PRKN: variants seen among roughly 807,000 people sequenced by gnomAD.
The protein encoded by PRKN is E3 ubiquitin-protein ligase parkin.
PRKN carries 56 observed loss-of-function variants against 59.5 expected under a neutral mutation model. The observed-to-expected ratio is 0.94, with a 90% CI of 0.76 to 1.18. The LOEUF (loss-of-function observed/expected upper bound fraction) is 1.18, where lower values mean the gene tolerates loss of function less well. Among genes scored for constraint, PRKN ranks in the 50% most tolerant of loss-of-function variants. PRKN has a pLI of 0.00. For missense variants in PRKN, 657 were observed against 596.4 expected, an observed-to-expected ratio of 1.10 and a Z score of -1.06; for synonymous variants, 250 against 222.1, an observed-to-expected ratio of 1.13 and a Z score of -1.12.
rs1787308642 is a variant in PRKN at position 161,407,034 on chromosome 6, G to T, written c.1084-20157C>A. On this transcript the variant is annotated intron_variant, in intron 9 of 11. Coordinates refer to ENST00000366898, the MANE Select transcript of PRKN (RefSeq NM_004562.3). This position sits in a 1 kb window ranked among gnomAD's most constrained non-coding sequence, Gnocchi z 4.9. ...ATTTTTAACAAAATGGGACTTCAGAGAAATTTAATTAAGATTTATTTCAAA... is the reference window on the plus strand; with the variant it reads ...ATTTTTAACAAAATGGGACTTCAGATAAATTTAATTAAGATTTATTTCAAA... Among the ~76,000 whole-genome samples, 1 of 152,076 alleles carries T rather than the reference G, an allele frequency of 6.6e-6. No homozygotes were observed. Among genetic ancestry groups the T allele is most frequent in the African/African-American group, 2.4e-5 (1 of 41,388 alleles).
chr6:161,436,735 A>C (rs1012925163), intron 9 of PRKN, among the ~76,000 whole-genome samples: 2 of 152,064 alleles, frequency 1.3e-5, no homozygotes, highest in Non-Finnish European at 2.9e-5. Context: ...ATGTCTATAC[A>C]CAGGCCACCT....
chr6:162,357,578 G>A (rs1221334913), intron 2 of PRKN, among the ~76,000 whole-genome samples: 1 of 152,130 alleles, frequency 6.6e-6, no homozygotes, highest in Non-Finnish European at 1.5e-5. Context: ...AAGATAGTTT[G>A]GCAGTTTCTT....
At chr6:161,850,574 CAAAAAAAAAAA>C (rs10651778) in intron 6 of PRKN, among the ~76,000 whole-genome samples, 2 of 88,278 alleles carry the variant, frequency 2.3e-5, no homozygotes, top group Non-Finnish European at 4.2e-5. Context: ...GACTACGTCT[CAAAAAAAAAAA>C]AAAAAAAAAC....
chr6:161,597,925 A>G (rs1781974871), intron 7 of PRKN, among the ~76,000 whole-genome samples: 1 of 152,208 alleles, frequency 6.6e-6, no homozygotes, highest in Non-Finnish European at 1.5e-5. Flanking sequence ...ACCTACTTAA[A>G]TGCATGCACA....
chr6:162,297,757 T>C (rs111326387), intron 2 of PRKN, among the ~76,000 whole-genome samples: 1 of 152,198 alleles, frequency 6.6e-6, no homozygotes, highest in African/African-American at 2.4e-5. Context: ...CCTTGAATCA[T>C]CTAAAAATAA....
At chr6:161,757,886 TA>T (rs1789011642) in intron 7 of PRKN, among the ~76,000 whole-genome samples, 1 of 116,234 alleles carries the variant, frequency 8.6e-6, no homozygotes, top group African/African-American at 3.6e-5. Context: ...TATATATATA[TA>T]CACACACACA....
At chr6:162,438,032 T>C (rs977819755) in intron 2 of PRKN, among the ~76,000 whole-genome samples, 2 of 152,220 alleles carry the variant, frequency 1.3e-5, no homozygotes, top group African/African-American at 4.8e-5. Flanking sequence ...TACCATTTTA[T>C]ATTCCCAGTA....
chr6:161,728,256 C>A (rs1241073904), intron 7 of PRKN, among the ~76,000 whole-genome samples: 1 of 149,054 alleles, frequency 6.7e-6, no homozygotes, highest in African/African-American at 2.6e-5. Flanking sequence ...AAAAAAAAAA[C>A]ATTCCACACC....
At chr6:161,724,389 G>A (rs1787353824) in intron 7 of PRKN, among the ~76,000 whole-genome samples, 1 of 152,186 alleles carries the variant, frequency 6.6e-6, no homozygotes. Context: ...TTGTAAAAGA[G>A]ACCTGGTTGA....
chr6:162,587,366 C>T (rs574134623), intron 1 of PRKN, among the ~76,000 whole-genome samples: 3 of 152,192 alleles, frequency 2.0e-5, no homozygotes, highest in East Asian at 1.9e-4. Context: ...GAACTCCCAA[C>T]CCCAGGTGAT....
chr6:162,406,115 A>G (rs1047637710), intron 2 of PRKN, among the ~76,000 whole-genome samples: 1 of 152,222 alleles, frequency 6.6e-6, no homozygotes, highest in African/African-American at 2.4e-5. Flanking sequence ...ACCATTTAGC[A>G]AGGGCTTTTT....
intron 7 of PRKN, among the ~76,000 whole-genome samples, chr6:161,668,694 G>GA (rs1246053311): frequency 6.6e-6 from 1 of 152,060 alleles, no homozygotes; most frequent in Non-Finnish European, 1.5e-5. Context: ...ATATTGTGCA[G>GA]AAAAAAATAC....
At chr6:161,474,908 T>G (rs907833112) in intron 9 of PRKN, among the ~76,000 whole-genome samples, 5 of 151,234 alleles carry the variant, frequency 3.3e-5, no homozygotes, top group African/African-American at 1.2e-4. Context: ...GGCCCACTAT[T>G]ACTTATTTTT....
chr6:162,573,008 G>A (rs1374946062), intron 1 of PRKN, among the ~76,000 whole-genome samples: 2 of 152,216 alleles, frequency 1.3e-5, no homozygotes, highest in Admixed American at 6.5e-5. Context: ...AATCTTAATT[G>A]CCAGACATAC....
chr6:162,219,360 C>A (rs558639267), intron 3 of PRKN, among the ~76,000 whole-genome samples: 1 of 152,296 alleles, frequency 6.6e-6, no homozygotes, highest in South Asian at 2.1e-4. Context: ...TAAAAACTGA[C>A]AAGCCACCTG....
chr6:162,666,105 A>C (rs924950261), intron 1 of PRKN, among the ~76,000 whole-genome samples: 10 of 152,172 alleles, frequency 6.6e-5, no homozygotes, highest in Non-Finnish European at 1.3e-4. Context: ...AGGCAATACC[A>C]TTCAGGACAT....
intron 6 of PRKN, among the ~76,000 whole-genome samples, chr6:161,929,546 C>T (rs6921744): frequency 0.054 from 4,540 of 83,374 alleles, 289 homozygotes; most frequent in African/African-American, 0.21. Flanking sequence ...TTTTTTGAGA[C>T]GGAGTCTTAC....
intron 8 of PRKN, among the ~76,000 whole-genome samples, chr6:161,553,563 T>A (rs1350043716): frequency 1.3e-5 from 2 of 152,246 alleles, no homozygotes; most frequent in Non-Finnish European, 2.9e-5. Context: ...CAGTCATTAA[T>A]ATTCAGTAAC....
intron 2 of PRKN, among the ~76,000 whole-genome samples, chr6:162,281,844 GT>G (rs1780925740): frequency 6.6e-6 from 1 of 152,152 alleles, no homozygotes; most frequent in Non-Finnish European, 1.5e-5. Context: ...CCAGGGAGTG[GT>G]TTTGTGGAAG....
Sources: gnomAD v4.1 joint callset for allele counts (sites outside exome capture counted in the v4.1 genomes callset) on GRCh38, gnomAD v4.1.1 for gene constraint, Gnocchi (gnomAD v3.1) non-coding constraint, MANE v1.5 for transcripts, NCBI Gene and HGNC (gene_info 2026-07-23, HGNC 2026-07-21) for gene names.